Variants in GRID2 observed in about 807,000 individuals in gnomAD.
GRID2 encodes glutamate ionotropic receptor delta type subunit 2, also known as glutamate receptor ionotropic, delta-2.
A neutral mutation model predicts 114.8 loss-of-function variants in GRID2; 33 were observed. The observed-to-expected ratio is 0.29, with a 90% CI of 0.22 to 0.38. The LOEUF is 0.38. GRID2 is among the 10% of genes least tolerant of loss of function. The probability of loss-of-function intolerance (pLI) is 1.00; values close to 1 mark genes in which losing one functional copy is unlikely to be tolerated. For synonymous variants in GRID2, 505 were observed against 449.9 expected, an observed-to-expected ratio of 1.12 and a Z score of -1.55; for missense variants, 1,184 against 1,257.7, an observed-to-expected ratio of 0.94 and a Z score of 0.89.
intron 2 of GRID2, among the ~76,000 whole-genome samples, chr4:92,746,420 G>T (rs1483387105): frequency 2.6e-5 from 4 of 152,024 alleles, no homozygotes; most frequent in African/African-American, 9.7e-5. Context: ...CAATATTAAA[G>T]CCAGACCATC....
chr4:93,125,829 A>G (rs953378068), intron 4 of GRID2, among the ~76,000 whole-genome samples: 6 of 152,226 alleles, frequency 3.9e-5, no homozygotes, highest in Admixed American at 1.3e-4. Flanking sequence ...TTTAATATCC[A>G]TAAATTCTTA....
At chr4:93,003,490 C>T (rs1381022103) in intron 2 of GRID2, among the ~76,000 whole-genome samples, 1 of 151,934 alleles carries the variant, frequency 6.6e-6, no homozygotes, top group African/African-American at 2.4e-5. Flanking sequence ...GTTTCCATGG[C>T]TATGGCTAAA....
intron 13 of GRID2, among the ~76,000 whole-genome samples, chr4:93,533,249 CCTT>C (rs1731643521): frequency 3.8e-4 from 1 of 2,632 alleles, no homozygotes; most frequent in Non-Finnish European, 7.8e-4. Flanking sequence ...TTTCTCTCTT[CCTT>C]CCTTCCTTCC....
At chr4:92,942,122 C>T (rs1426289142) in intron 2 of GRID2, among the ~76,000 whole-genome samples, 2 of 152,046 alleles carry the variant, frequency 1.3e-5, no homozygotes, top group Admixed American at 6.6e-5. Context: ...CCTGGATATC[C>T]TTGTTAACTT....
In GRID2 at chr4:93,341,939, G is replaced by T. The variant is rs12108478; in HGVS notation, c.1246-53668G>T. 4.2e-3 allele frequency among the ~76,000 whole-genome samples: 646 copies of T among 152,010 alleles called. 4 individuals are homozygous for T. Among genetic ancestry groups the T allele is most frequent in the African/African-American group, 0.015 (618 of 41,462 alleles). On this transcript the variant is annotated intron_variant, in intron 8 of 15. Coordinates refer to ENST00000282020, the MANE Select transcript of GRID2 (RefSeq NM_001510.4). ...TAAGTGTAATTTTTGCCATAGAATA[G>T]AACAAAGGATTTTATCCAGATCTAC...
chr4:93,018,115 T>A (rs1260070226), intron 2 of GRID2, among the ~76,000 whole-genome samples: 1 of 151,600 alleles, frequency 6.6e-6, no homozygotes, highest in Non-Finnish European at 1.5e-5. Flanking sequence ...GAGATAGATA[T>A]AATGGATAGG....
intron 8 of GRID2, chr4:93,258,753 T>G: frequency 2.9e-6 from 1 of 342,180 alleles, no homozygotes; most frequent in South Asian, 2.3e-5. Flanking sequence ...ACCTGAAGGA[T>G]TGTCATTTAA....
chr4:92,826,346 G>A (rs1741696328), intron 2 of GRID2, among the ~76,000 whole-genome samples: 1 of 152,018 alleles, frequency 6.6e-6, no homozygotes, highest in Non-Finnish European at 1.5e-5. Context: ...TCTCATTGAG[G>A]CTTTTCCTGG....
At chr4:92,847,338 C>T (rs1012369963) in intron 2 of GRID2, among the ~76,000 whole-genome samples, 1 of 152,010 alleles carries the variant, frequency 6.6e-6, no homozygotes, top group African/African-American at 2.4e-5. Flanking sequence ...CAGTCTTTCA[C>T]AAATACTCTA....
intron 2 of GRID2, among the ~76,000 whole-genome samples, chr4:92,953,116 C>A (rs776995466): frequency 6.6e-6 from 1 of 152,154 alleles, no homozygotes; most frequent in African/African-American, 2.4e-5. Flanking sequence ...TGGGCCCACT[C>A]TAATGATCTC....
At chr4:92,841,027 G>T (rs189399882) in intron 2 of GRID2, among the ~76,000 whole-genome samples, 1 of 151,964 alleles carries the variant, frequency 6.6e-6, no homozygotes, top group South Asian at 2.1e-4. Context: ...TCCAAGATCT[G>T]CTCTGGTCTC....
intron 2 of GRID2, among the ~76,000 whole-genome samples, chr4:92,817,550 G>T (rs1157142813): frequency 6.6e-6 from 1 of 151,970 alleles, no homozygotes; most frequent in African/African-American, 2.4e-5. Context: ...TATGAGAATT[G>T]CTGACAATTC....
intron 2 of GRID2, among the ~76,000 whole-genome samples, chr4:92,700,861 A>G (rs530382408): frequency 3.6e-4 from 55 of 152,176 alleles, no homozygotes; most frequent in African/African-American, 9.1e-4. Context: ...GCGAGGTGGC[A>G]GGCGCCTGTA....
At chr4:93,499,756 AAT>A (rs1209976746) in intron 12 of GRID2, among the ~76,000 whole-genome samples, 1 of 152,046 alleles carries the variant, frequency 6.6e-6, no homozygotes, top group Middle Eastern at 3.4e-3. Context: ...AAGAGCAGCT[AAT>A]ATTTCTTGAG....
intron 9 of GRID2, among the ~76,000 whole-genome samples, chr4:93,414,843 A>G (rs1383453284): frequency 6.6e-6 from 1 of 151,868 alleles, no homozygotes; most frequent in Non-Finnish European, 1.5e-5. Context: ...GAATGACTGA[A>G]TAAATATCTG....
intron 1 of GRID2, among the ~76,000 whole-genome samples, chr4:92,319,791 T>A (rs1166414745): frequency 6.6e-6 from 1 of 152,054 alleles, no homozygotes; most frequent in Non-Finnish European, 1.5e-5. Context: ...AAATTTTACA[T>A]TGTTTGTCAC....
chr4:93,464,633 G>A (rs1335843486), intron 11 of GRID2, among the ~76,000 whole-genome samples: 1 of 152,072 alleles, frequency 6.6e-6, no homozygotes, highest in African/African-American at 2.4e-5. Flanking sequence ...TACACATTAT[G>A]TATCTCATTA....
chr4:93,183,765 A>G (rs1740131100), intron 4 of GRID2, among the ~76,000 whole-genome samples: 4 of 152,226 alleles, frequency 2.6e-5, no homozygotes, highest in Admixed American at 2.0e-4. Flanking sequence ...CAGTAAATCC[A>G]TGTTACCACT....
intron 2 of GRID2, among the ~76,000 whole-genome samples, chr4:92,687,143 A>G (rs1216089049): frequency 6.6e-6 from 1 of 151,984 alleles, no homozygotes; most frequent in African/African-American, 2.4e-5. Flanking sequence ...AAATTGAACC[A>G]AACATTCATT....
Sources: allele counts gnomAD v4.1 joint callset (sites outside exome capture counted in the v4.1 genomes callset), GRCh38; gene constraint gnomAD v4.1.1; transcripts MANE v1.5; gene names NCBI Gene and HGNC (gene_info 2026-07-23, HGNC 2026-07-21).